Variants in SCNN1G observed in about 807,000 individuals in gnomAD.
SCNN1G encodes epithelial sodium channel subunit gamma.
A neutral mutation model predicts 64.6 loss-of-function variants in SCNN1G; 27 were observed. The ratio of observed to expected loss-of-function variants is 0.42; its 90% confidence interval spans 0.31 to 0.58. The LOEUF is 0.58. Ranked by LOEUF, SCNN1G falls within the 20% of genes least tolerant of loss-of-function variation. SCNN1G has a pLI of 0.18. For missense variants in SCNN1G, 743 were observed against 823.4 expected (o/e 0.90, Z 1.19); for synonymous variants, 330 against 314.2 (o/e 1.05, Z -0.53).
intron 6 of SCNN1G, 23 bp downstream of exon 6, chr16:23,197,450 A>G (rs189354213): frequency 1.2e-6 from 2 of 1,605,826 alleles, no homozygotes. Context: ...TCTCATTTCC[A>G]TAGGCTTGGA....
At chr16:23,189,100 G>C (rs1007633290) in intron 2 of SCNN1G, among the ~76,000 whole-genome samples, 1 of 152,144 alleles carries the variant, frequency 6.6e-6, no homozygotes, top group Admixed American at 6.5e-5. Flanking sequence ...GGACAAACTT[G>C]TCAACACACC....
At position 23,194,311 on chromosome 16, in the gene SCNN1G, C is replaced by T. The variant is rs72647503; in HGVS notation, c.913+37C>T. Reference sequence around the variant, plus strand: ...TGTGCCAAGGAGATCTTGAGGCCCTCCAATAGTGGACATGGGGGCAGCAGG... The same window carrying T: ...TGTGCCAAGGAGATCTTGAGGCCCTTCAATAGTGGACATGGGGGCAGCAGG... On this transcript the variant is annotated intron_variant, in intron 5 of 12. Coordinates refer to ENST00000300061, the MANE Select transcript of SCNN1G (RefSeq NM_001039.4). 1.3e-3 allele frequency: 1,775 copies of T among 1,373,060 alleles called. 23 individuals carry two copies. In the African/African-American group the frequency reaches 0.023, roughly 18 times the overall value. 85.1% of individuals were successfully genotyped at this position (1,373,060 alleles called of 1,614,324 possible).
Position 23,214,702 on chromosome 16 carries a change from A to G in SCNN1G, c.1494-10A>G. 6.2e-7 allele frequency: 1 copy of G among 1,611,690 alleles called. No individual in the cohort carries two copies. The highest frequency in any genetic ancestry group is 8.5e-7 in the Non-Finnish European group (1 of 1,177,776). On this transcript the variant is annotated splice_polypyrimidine_tract_variant and intron_variant, in intron 11 of 12. Transcript: ENST00000300061. ...CCAAGGCTCTTGATTCACCTGTTGGAATTTTGCAGGACAGACTTGGCCAAA... is the reference window on the plus strand; with the variant it reads ...CCAAGGCTCTTGATTCACCTGTTGGGATTTTGCAGGACAGACTTGGCCAAA...
chr16:23,203,595 C>T (rs1482808622), intron 6 of SCNN1G, among the ~76,000 whole-genome samples: 2 of 151,630 alleles, frequency 1.3e-5, no homozygotes, highest in East Asian at 3.9e-4. Flanking sequence ...ACAGTGAAAC[C>T]CTGTCTCTAC....
In SCNN1G at chr16:23,204,288, CATATATATATATATATATATATAT is replaced by C. The variant is rs59288460; in HGVS notation, c.1078-5438_1078-5415del. Among the ~76,000 whole-genome samples, 49 of 14,176 alleles carry C rather than the reference CATATATATATATATATATATATAT, an allele frequency of 3.5e-3. 2 individuals are homozygous for C. In the East Asian group the frequency reaches 0.036, roughly 10 times the overall value. The allele number at this position is 14,176 out of a possible 152,430, so 9.3% of individuals were successfully genotyped here. ...AGTGATACTCCATCACAAATATATA[CATATATATATATATATATATATAT>C]ATATATATATATATATATATATAGA... On this transcript the variant is annotated intron_variant, in intron 6 of 12. Transcript: ENST00000300061.
chr16:23,190,913 G>A (rs1326401757), intron 3 of SCNN1G, among the ~76,000 whole-genome samples: 1 of 135,352 alleles, frequency 7.4e-6, no homozygotes, highest in Admixed American at 8.6e-5. Context: ...GTGTGATCTC[G>A]GCTCACTGCA....
At position 23,215,401 on chromosome 16, in the gene SCNN1G, A is replaced by G; in HGVS notation, c.1882A>G (p.Asn628Asp). 6.2e-7 allele frequency: 1 copy of G among 1,613,948 alleles called. No individual in the cohort carries two copies. Among genetic ancestry groups the G allele is most frequent in the Non-Finnish European group, 8.5e-7 (1 of 1,179,994 alleles). The change falls in exon 13 of 13, where the codon AAT becomes GAT. Residue 628 changes from asparagine to aspartate, a missense_variant. Asn to Asp is a conservative substitution (Grantham distance 23, BLOSUM62 1). Coordinates refer to ENST00000300061, the MANE Select transcript of SCNN1G (RefSeq NM_001039.4). Reference sequence around the variant, plus strand: ...GCCCGGCACACCGCCCCCCAAATACAATACCTTGCGCTTGGAGAGGGCCTT... The same window carrying G: ...GCCCGGCACACCGCCCCCCAAATACGATACCTTGCGCTTGGAGAGGGCCTT... ...QVPGTPPPKY[N>D]TLRLERAFSN... is the part of the protein sequence containing the mutation.
intron 11 of SCNN1G, among the ~76,000 whole-genome samples, chr16:23,214,203 G>T (rs1284005684): frequency 1.3e-5 from 2 of 152,182 alleles, no homozygotes; most frequent in African/African-American, 4.8e-5. Flanking sequence ...TTCCACATCT[G>T]CGAAATGAGG....
At chr16:23,212,319 A>G (rs1202680963) in intron 8 of SCNN1G, among the ~76,000 whole-genome samples, 168 bp downstream of exon 8, 1 of 152,168 alleles carries the variant, frequency 6.6e-6, no homozygotes, top group Non-Finnish European at 1.5e-5. Context: ...GGCTTAAATT[A>G]TACTTTGCAA....
chr16:23,209,482 A>G (rs1242580704), intron 6 of SCNN1G, among the ~76,000 whole-genome samples: 1 of 152,124 alleles, frequency 6.6e-6, no homozygotes, highest in Non-Finnish European at 1.5e-5. Context: ...TTGTTTATTT[A>G]TTTGCTTGCT....
rs556288374 is a variant in SCNN1G, at chr16:23,198,779, G to A, written c.1077+1352G>A. Among the ~76,000 whole-genome samples the A allele has an allele frequency of 6.6e-5, 10 of 152,060 alleles. No homozygotes were observed. In the East Asian group the frequency reaches 1.9e-3, roughly 29 times the overall value. On this transcript the variant is annotated intron_variant, in intron 6 of 12. Coordinates refer to ENST00000300061, the MANE Select transcript of SCNN1G (RefSeq NM_001039.4). ...AACAAAAACTGATTTAAAGGAGTTAGGTGCAGTGCATAGACTTGTAGTCCC... is the reference window on the plus strand; with the variant it reads ...AACAAAAACTGATTTAAAGGAGTTAAGTGCAGTGCATAGACTTGTAGTCCC...
chr16:23,207,868 A>C (rs1047249499), intron 6 of SCNN1G, among the ~76,000 whole-genome samples: 7 of 152,032 alleles, frequency 4.6e-5, no homozygotes, highest in African/African-American at 1.4e-4. Flanking sequence ...AAACCTCTTA[A>C]TTCCTTCCCC....
intron 6 of SCNN1G, among the ~76,000 whole-genome samples, chr16:23,209,051 AT>A: frequency 6.6e-6 from 1 of 151,962 alleles, no homozygotes; most frequent in Admixed American, 6.6e-5. Context: ...CAATTTCTCT[AT>A]TTTGCCATTT....
chr16:23,187,546 C>T (rs1191068979), intron 2 of SCNN1G, among the ~76,000 whole-genome samples: 1 of 152,158 alleles, frequency 6.6e-6, no homozygotes, highest in Non-Finnish European at 1.5e-5. Context: ...TTAGCCAACC[C>T]CCATCTGCAT....
chr16:23,187,466 G>A (rs1019081358), intron 2 of SCNN1G, among the ~76,000 whole-genome samples: 5 of 152,064 alleles, frequency 3.3e-5, no homozygotes, highest in Non-Finnish European at 7.4e-5. Flanking sequence ...GAAGCTGCAG[G>A]ATTTGTTTCA....
intron 2 of SCNN1G, among the ~76,000 whole-genome samples, chr16:23,188,984 G>A (rs939295962): frequency 2.0e-5 from 3 of 152,278 alleles, no homozygotes; most frequent in African/African-American, 7.2e-5. Flanking sequence ...GGTGGAGAAG[G>A]AGCCTGCCCA....
At chr16:23,192,712 T>A (rs924033010) in intron 4 of SCNN1G, among the ~76,000 whole-genome samples, 170 bp downstream of exon 4, 2 of 152,166 alleles carry the variant, frequency 1.3e-5, no homozygotes, top group Non-Finnish European at 2.9e-5. Flanking sequence ...CTAGAGTCAG[T>A]GAGTGAGGTA....
chr16:23,189,843 G>A (rs1409109034), intron 3 of SCNN1G, among the ~76,000 whole-genome samples, 172 bp downstream of exon 3: 3 of 152,206 alleles, frequency 2.0e-5, no homozygotes, highest in East Asian at 1.9e-4. Flanking sequence ...AGGCCAAGGC[G>A]GGCGAATCAC....
At chr16:23,190,831 A>ATT (rs896029487) in intron 3 of SCNN1G, among the ~76,000 whole-genome samples, 2,216 of 56,346 alleles carry the variant, frequency 0.039, 361 homozygotes, top group South Asian at 0.18. Context: ...ATTTGAGGGG[A>ATT]TTTTTTTTTT....
Sources: allele counts gnomAD v4.1 joint callset (sites outside exome capture counted in the v4.1 genomes callset), GRCh38; gene constraint gnomAD v4.1.1; transcripts MANE v1.5; gene names NCBI Gene and HGNC (gene_info 2026-07-23, HGNC 2026-07-21).